Variants in FARS2 observed in about 807,000 individuals in gnomAD.
FARS2 encodes the protein phenylalanine--tRNA ligase, mitochondrial.
Under a neutral mutation model 46.4 loss-of-function variants are expected in FARS2, and 40 were observed. The observed-to-expected ratio is 0.86, with a 90% CI of 0.67 to 1.12. The LOEUF is 1.12. Ranked by LOEUF, FARS2 falls within the 50% of genes most tolerant of loss-of-function variation. The pLI is 0.00. For missense variants in FARS2, 513 were observed against 567.9 expected (o/e 0.90, Z 0.98); for synonymous variants, 234 against 214.9 (o/e 1.09, Z -0.78).
chr6:5,313,884 C>T (rs912308974), intron 1 of FARS2, among the ~76,000 whole-genome samples: 13 of 151,136 alleles, frequency 8.6e-5, no homozygotes, highest in Admixed American at 7.2e-4. Context: ...TAAATAACCT[C>T]CCAATCCCTG....
At chr6:5,440,084 T>C (rs1763754578) in intron 4 of FARS2, among the ~76,000 whole-genome samples, 1 of 152,156 alleles carries the variant, frequency 6.6e-6, no homozygotes, top group Admixed American at 6.5e-5. Context: ...TTTTCTGATA[T>C]AAAAGCAATC....
chr6:5,302,644 C>T (rs763158966), intron 1 of FARS2, among the ~76,000 whole-genome samples: 23 of 152,190 alleles, frequency 1.5e-4, no homozygotes, highest in Admixed American at 4.6e-4. Context: ...GTCACATGAA[C>T]TAATGAGTGA....
chr6:5,356,162 G>A (rs1057505061), intron 1 of FARS2, among the ~76,000 whole-genome samples: 18 of 152,116 alleles, frequency 1.2e-4, no homozygotes, highest in African/African-American at 4.1e-4. Flanking sequence ...TAAAAATGAC[G>A]AGACGGCTAG....
intron 6 of FARS2, among the ~76,000 whole-genome samples, chr6:5,652,819 C>T (rs570020060): frequency 1.2e-4 from 19 of 152,322 alleles, no homozygotes; most frequent in African/African-American, 3.1e-4. Context: ...GCTCCCGAGG[C>T]GCTAGCAAAG....
At chr6:5,338,146 A>G (rs935753275) in intron 1 of FARS2, among the ~76,000 whole-genome samples, 2 of 152,162 alleles carry the variant, frequency 1.3e-5, no homozygotes, top group African/African-American at 4.8e-5. Context: ...GTAAAACCCA[A>G]CTTTTATGGA....
intron 4 of FARS2, among the ~76,000 whole-genome samples, chr6:5,494,378 A>G (rs1183781013): frequency 6.6e-6 from 1 of 152,184 alleles, no homozygotes; most frequent in Non-Finnish European, 1.5e-5. Context: ...CTGTAGCCGC[A>G]GGACTGGAAT....
At chr6:5,567,562 T>C (rs1022710880) in intron 5 of FARS2, among the ~76,000 whole-genome samples, 11 of 152,226 alleles carry the variant, frequency 7.2e-5, no homozygotes, top group Non-Finnish European at 1.3e-4. Flanking sequence ...TTTGTCTTGC[T>C]GTTACTCTTC....
intron 6 of FARS2, among the ~76,000 whole-genome samples, chr6:5,631,652 G>C (rs556511630): frequency 3.0e-4 from 46 of 152,342 alleles, no homozygotes; most frequent in African/African-American, 9.4e-4. Context: ...CCCACAGGCA[G>C]CTTCACTCAG....
At chr6:5,450,071 A>G (rs1004396850) in intron 4 of FARS2, among the ~76,000 whole-genome samples, 1 of 152,248 alleles carries the variant, frequency 6.6e-6, no homozygotes. Flanking sequence ...AGTTGGTTAA[A>G]AACAATCCGT....
intron 5 of FARS2, among the ~76,000 whole-genome samples, chr6:5,582,102 C>T (rs111484838): frequency 1.4e-5 from 2 of 139,112 alleles, no homozygotes; most frequent in African/African-American, 5.5e-5. Flanking sequence ...ATTCCTGATG[C>T]GCTTCTATAA....
At chr6:5,319,552 C>T (rs1435273338) in intron 1 of FARS2, among the ~76,000 whole-genome samples, 3 of 152,334 alleles carry the variant, frequency 2.0e-5, no homozygotes, top group Admixed American at 1.3e-4. Context: ...AAGGGTGAGA[C>T]AGTGCTGATG....
intron 5 of FARS2, among the ~76,000 whole-genome samples, chr6:5,596,489 T>G (rs910234507): frequency 6.6e-6 from 1 of 152,242 alleles, no homozygotes; most frequent in South Asian, 2.1e-4. Context: ...GTTTCCTGAC[T>G]AGTGCTGTGT....
intron 2 of FARS2, among the ~76,000 whole-genome samples, chr6:5,373,707 A>G (rs1414803501): frequency 6.6e-6 from 1 of 152,224 alleles, no homozygotes; most frequent in Non-Finnish European, 1.5e-5. Context: ...TGCCCAGTCT[A>G]TGCAGTAGCA....
chr6:5,689,020 T>A (rs1757474882), intron 6 of FARS2, among the ~76,000 whole-genome samples: 1 of 152,194 alleles, frequency 6.6e-6, no homozygotes. Flanking sequence ...TGATGGTAGT[T>A]TGTATTTCTG....
intron 5 of FARS2, among the ~76,000 whole-genome samples, chr6:5,596,634 G>A (rs1474334182): frequency 6.6e-6 from 1 of 152,182 alleles, no homozygotes; most frequent in African/African-American, 2.4e-5. Flanking sequence ...ACACTAAAAA[G>A]CTACTTTTCC....
At chr6:5,509,630 G>A (rs1381346696) in intron 4 of FARS2, among the ~76,000 whole-genome samples, 19 of 152,206 alleles carry the variant, frequency 1.2e-4, no homozygotes, top group Admixed American at 5.9e-4. Flanking sequence ...GATAATGATG[G>A]AGAAAAGGAT....
chr6:5,428,886 C>T (rs1045154894), intron 3 of FARS2, among the ~76,000 whole-genome samples: 5 of 151,998 alleles, frequency 3.3e-5, no homozygotes, highest in Non-Finnish European at 7.4e-5. Flanking sequence ...AGTGTTGATG[C>T]GATCTCGGCA....
At chr6:5,602,766 G>A (rs898425245) in intron 5 of FARS2, among the ~76,000 whole-genome samples, 2 of 151,956 alleles carry the variant, frequency 1.3e-5, no homozygotes, top group African/African-American at 2.4e-5. Flanking sequence ...GTTAGGATGG[G>A]GTAGCATTGT....
In FARS2 at chr6:5,292,471, A is replaced by T. The variant is rs371837687; in HGVS notation, c.-22+30811A>T. On this transcript the variant is annotated intron_variant, in intron 1 of 6. Coordinates refer to ENST00000274680, the MANE Select transcript of FARS2 (RefSeq NM_006567.5). Reference sequence around the variant, plus strand: ...AGAGATGGACAAATGCCAGAGTGATATGGGATTTGGAAGTAATCAGGCCTG... The same window carrying T: ...AGAGATGGACAAATGCCAGAGTGATTTGGGATTTGGAAGTAATCAGGCCTG... 5.9e-5 allele frequency among the ~76,000 whole-genome samples: 9 copies of T among 152,302 alleles called. No homozygotes were observed. The South Asian group carries it at 1.5e-3, about 25-fold the overall frequency.
Sources: gnomAD v4.1 joint callset for allele counts (sites outside exome capture counted in the v4.1 genomes callset) on GRCh38, gnomAD v4.1.1 for gene constraint, MANE v1.5 for transcripts, NCBI Gene and HGNC (gene_info 2026-07-23, HGNC 2026-07-21) for gene names.